The following HCRTR2 variants were observed in gnomAD, a reference collection of about 807,000 sequenced individuals.
The protein encoded by HCRTR2 is orexin receptor type 2.
Under a neutral mutation model 49.0 loss-of-function variants are expected in HCRTR2, and 22 were observed. The observed-to-expected ratio is 0.45, with a 90% CI of 0.32 to 0.64. HCRTR2 has a LOEUF of 0.64. HCRTR2 is among the 30% of genes least tolerant of loss of function. The probability of loss-of-function intolerance (pLI) is 0.04; values close to 1 mark genes in which losing one functional copy is unlikely to be tolerated. For missense variants in HCRTR2, 491 were observed against 559.4 expected (o/e 0.88, Z 1.23); for synonymous variants, 236 against 205.3 (o/e 1.15, Z -1.28).
chr6:55,246,472 G>A (rs1375905577), intron 1 of HCRTR2, among the ~76,000 whole-genome samples: 2 of 151,924 alleles, frequency 1.3e-5, no homozygotes, highest in Non-Finnish European at 2.9e-5. Context: ...GGATGAATCA[G>A]AGATGGTGCA....
chr6:55,151,906 C>A (rs1305243345), intron 1 of HCRTR2, among the ~76,000 whole-genome samples: 8 of 151,720 alleles, frequency 5.3e-5, no homozygotes, highest in Non-Finnish European at 1.2e-4. Context: ...CTCTGTCAGA[C>A]CACTTGGGTA....
intron 4 of HCRTR2, among the ~76,000 whole-genome samples, chr6:55,266,265 T>G (rs1413968234): frequency 6.6e-6 from 1 of 152,196 alleles, no homozygotes; most frequent in African/African-American, 2.4e-5. Flanking sequence ...TGGTGCTTCT[T>G]ATTTGTCTGG....
intron 4 of HCRTR2, among the ~76,000 whole-genome samples, chr6:55,268,286 G>A (rs1436541450): frequency 6.6e-6 from 1 of 151,914 alleles, no homozygotes; most frequent in African/African-American, 2.4e-5. Flanking sequence ...GGAAATAGAG[G>A]AAGACAAGAG....
At chr6:55,127,951 C>A (rs574621124) in intron 1 of HCRTR2, among the ~76,000 whole-genome samples, 1 of 152,196 alleles carries the variant, frequency 6.6e-6, no homozygotes, top group African/African-American at 2.4e-5. Flanking sequence ...TCAATTTTTG[C>A]TTTTGTTGCA....
At position 55,227,302 on chromosome 6, in the gene HCRTR2, C is replaced by A. The variant is rs1193533603; in HGVS notation, c.224-21337C>A. Among the ~76,000 whole-genome samples the A allele has an allele frequency of 2.6e-5, 4 of 151,996 alleles. No individual in the cohort carries two copies. The East Asian group carries it at 5.8e-4, about 22-fold the overall frequency. On this transcript the variant is annotated intron_variant, in intron 1 of 6. Transcript: ENST00000370862. ...ATTTTGATTACTTTTTCCATTACTCCCAAGTGGTCAGGATTAGTTTTAGAT... is the reference window on the plus strand; with the variant it reads ...ATTTTGATTACTTTTTCCATTACTCACAAGTGGTCAGGATTAGTTTTAGAT...
chr6:55,156,835 T>A (rs1764738008), intron 1 of HCRTR2, among the ~76,000 whole-genome samples: 2 of 151,984 alleles, frequency 1.3e-5, no homozygotes, highest in African/African-American at 4.8e-5. Flanking sequence ...AGATCCAACA[T>A]GTTTTCAATA....
chr6:55,255,405 G>T, intron 3 of HCRTR2, 26 bp downstream of exon 3: 2 of 1,613,176 alleles, frequency 1.2e-6, no homozygotes, highest in South Asian at 2.2e-5. Flanking sequence ...CCCATCAACT[G>T]ACATTTATAT....
intron 1 of HCRTR2, among the ~76,000 whole-genome samples, chr6:55,118,571 T>C (rs182403561): frequency 6.6e-6 from 1 of 152,012 alleles, no homozygotes; most frequent in Admixed American, 6.6e-5. Flanking sequence ...TGTTATGTTT[T>C]AACTTTTTAA....
At chr6:55,263,571 C>A (rs1336404840) in intron 3 of HCRTR2, 136 bp from the exon 4 acceptor site, 2 of 649,120 alleles carry the variant, frequency 3.1e-6, no homozygotes, top group Non-Finnish European at 5.6e-6. Context: ...ATTATTTTTC[C>A]CCTTTGCATA....
At chr6:55,221,352 T>C (rs1765886297) in intron 1 of HCRTR2, among the ~76,000 whole-genome samples, 1 of 152,124 alleles carries the variant, frequency 6.6e-6, no homozygotes, top group African/African-American at 2.4e-5. Flanking sequence ...CAAACCAGCA[T>C]AGCGAGCCCA....
Position 55,127,103 on chromosome 6 carries a change from C to T in HCRTR2, c.-378+20558C>T, listed in dbSNP as rs538758973. Among the ~76,000 whole-genome samples, 36 of 152,056 alleles carry T rather than the reference C, an allele frequency of 2.4e-4. No individual in the cohort carries two copies. The South Asian group carries it at 4.4e-3, about 18-fold the overall frequency. On this transcript the variant is annotated intron_variant, in intron 1 of 7. Coordinates refer to the HCRTR2 transcript ENST00000615358. ...GGTTCTGTCTCGCTGACATTCCAGG[C>T]GCCACTGGGGTATGGGAAAAAAAAA...
chr6:55,282,529 A>C lies in HCRTR2; in HGVS notation c.*75A>C. 1 of 824,152 alleles carries C rather than the reference A, an allele frequency of 1.2e-6. No individual in the cohort carries two copies. The allele number at this position is 824,152 out of a possible 1,614,324, so 51.1% of individuals were successfully genotyped here. On this transcript the variant is annotated 3_prime_UTR_variant, in exon 7 of 7. Transcript: ENST00000370862. Reference sequence around the variant, plus strand: ...AATCACTGGGAACAGAAATTTTATTATCCTATGATGTGAAGCTAAAATTAC... The same window carrying C: ...AATCACTGGGAACAGAAATTTTATTCTCCTATGATGTGAAGCTAAAATTAC...
intron 1 of HCRTR2, among the ~76,000 whole-genome samples, chr6:55,107,592 T>A (rs1460543130): frequency 6.6e-6 from 1 of 152,110 alleles, no homozygotes; most frequent in Non-Finnish European, 1.5e-5. Context: ...GCAGCATATT[T>A]TAAAAGGTCT....
intron 1 of HCRTR2, among the ~76,000 whole-genome samples, chr6:55,192,665 G>C (rs1196138657): frequency 6.6e-6 from 1 of 152,130 alleles, no homozygotes; most frequent in Non-Finnish European, 1.5e-5. Context: ...ACATTGATAA[G>C]TAAGGTAAGT....
chr6:55,255,035 G>T (rs1766622960), intron 2 of HCRTR2, 101 bp from the exon 3 acceptor site: 2 of 1,314,728 alleles, frequency 1.5e-6, no homozygotes, highest in South Asian at 2.5e-5. Context: ...CTTTGAATTT[G>T]CTTATATGTT....
At chr6:55,113,881 T>C in intron 1 of HCRTR2, among the ~76,000 whole-genome samples, 1 of 151,648 alleles carries the variant, frequency 6.6e-6, no homozygotes, top group Non-Finnish European at 1.5e-5. Flanking sequence ...ATTGCAAAAA[T>C]ATGGAACCAG....
intron 1 of HCRTR2, among the ~76,000 whole-genome samples, chr6:55,128,988 A>G (rs1484927436): frequency 6.6e-6 from 1 of 152,124 alleles, no homozygotes; most frequent in African/African-American, 2.4e-5. Flanking sequence ...TCATTCTTGA[A>G]CATTTTTGGC....
intron 2 of HCRTR2, among the ~76,000 whole-genome samples, chr6:55,252,426 T>G (rs1382329599): frequency 6.6e-6 from 1 of 152,158 alleles, no homozygotes; most frequent in Non-Finnish European, 1.5e-5. Context: ...TAAGGCTTGA[T>G]GAACACTTTG....
intron 1 of HCRTR2, among the ~76,000 whole-genome samples, chr6:55,201,943 G>C (rs1198236279): frequency 6.6e-6 from 1 of 152,048 alleles, no homozygotes; most frequent in South Asian, 2.1e-4. Context: ...TCTTGACCAT[G>C]GATCTGAATA....
Sources: gnomAD v4.1 joint callset for allele counts (sites outside exome capture counted in the v4.1 genomes callset) on GRCh38, gnomAD v4.1.1 for gene constraint, MANE v1.5 for transcripts, NCBI Gene and HGNC (gene_info 2026-07-23, HGNC 2026-07-21) for gene names.